The following DGKG variants were observed in gnomAD, a reference collection of about 807,000 sequenced individuals.
The protein encoded by DGKG is DAG kinase gamma.
In DGKG, 78 loss-of-function variants were observed where a neutral mutation model predicts 105.3. That is an observed-to-expected ratio of 0.74 (90% CI 0.62 to 0.89). DGKG has a LOEUF of 0.89. Among genes scored for constraint, DGKG ranks in the 40% least tolerant of loss-of-function variants. The probability of loss-of-function intolerance (pLI) is 0.00; values close to 1 mark genes in which losing one functional copy is unlikely to be tolerated. For missense variants in DGKG, 958 were observed against 1,020.1 expected (o/e 0.94, Z 0.83); for synonymous variants, 346 against 367.1 (o/e 0.94, Z 0.66).
chr3:186,185,709 C>T (rs181994693), intron 22 of DGKG, among the ~76,000 whole-genome samples: 2 of 152,284 alleles, frequency 1.3e-5, no homozygotes, highest in Non-Finnish European at 2.9e-5. Flanking sequence ...CCTCTGTTAG[C>T]ACCCACAACT....
At chr3:186,242,723 A>C in intron 19 of DGKG, 155 bp from the exon 20 acceptor site, 1 of 586,312 alleles carries the variant, frequency 1.7e-6, no homozygotes, top group South Asian at 2.4e-5. Context: ...CGGAGCCAAC[A>C]GAGGCTCAAC....
intron 5 of DGKG, among the ~76,000 whole-genome samples, chr3:186,296,138 A>G (rs564167948): frequency 1.3e-4 from 20 of 152,192 alleles, no homozygotes; most frequent in Admixed American, 1.2e-3. Context: ...AAAAGAATAA[A>G]GTATACTTCT....
Position 186,272,277 on chromosome 3 carries a change from G to T in DGKG, c.977C>A (p.Ser326Ter). The T allele has an allele frequency of 6.2e-7, 1 of 1,613,828 alleles. No individual in the cohort carries two copies. Among genetic ancestry groups the T allele is most frequent in the South Asian group, 1.1e-5 (1 of 91,050 alleles). ...AACCTCACCACTCCTTTTGGCTTTT[G>T]AGTACGTTTTGACACAACCAGGAAT... Reference protein sequence around the residue: ...RNIPGCVKTYSKAKRSGEVMQ... With the variant: ...RNIPGCVKTY The change falls in exon 11 of 25, where the codon TCA becomes TAA. Residue 326 changes from serine to a stop codon, truncating the protein, a stop_gained. Coordinates refer to ENST00000265022, the MANE Select transcript of DGKG (RefSeq NM_001346.3). LOFTEE classifies it high-confidence loss of function.
Position 186,275,646 on chromosome 3 carries a change from G to A in DGKG, c.811C>T (p.Arg271Trp), listed in dbSNP as rs368371497. ...AAGTGCTTCATGGTCCAGGCGTGCC[G>A]CCCATCCCCCTTGGAGCCCTGCAGG... ...MDDSGSKGDGRHAWTMKHFKK... is the reference protein window; with the variant it reads ...MDDSGSKGDGWHAWTMKHFKK... Residue 271 changes from arginine to tryptophan, a missense_variant, in exon 10 of 25, where the codon CGG becomes TGG. By Grantham distance (101) the Arg-to-Trp change is moderately radical. Around this residue, in one of 2 missense-constraint regions of DGKG, gnomAD observed 643 missense variants for 619.5 expected, o/e 1.04. Coordinates refer to ENST00000265022, the MANE Select transcript of DGKG (RefSeq NM_001346.3). The A allele has an allele frequency of 1.1e-5, 17 of 1,613,690 alleles. No homozygotes were observed. Among genetic ancestry groups the A allele is most frequent in the African/African-American group, 4.0e-5 (3 of 74,926 alleles).
intron 20 of DGKG, among the ~76,000 whole-genome samples, chr3:186,230,994 A>C (rs914342735): frequency 6.6e-6 from 1 of 152,168 alleles, no homozygotes; most frequent in Non-Finnish European, 1.5e-5. Context: ...TCAGTCTTTA[A>C]TATGTCTCCA....
At chr3:186,237,393 C>G (rs1720469440) in intron 20 of DGKG, among the ~76,000 whole-genome samples, 1 of 152,168 alleles carries the variant, frequency 6.6e-6, no homozygotes, top group African/African-American at 2.4e-5. Flanking sequence ...ACAGATCATA[C>G]AGCCAGTCCT....
rs1456030892 is a variant in DGKG, at chr3:186,148,349, T to C, written c.*1741A>G. 3.0e-6 allele frequency: 3 copies of C among 985,316 alleles called. No individual in the cohort carries two copies. In the East Asian group the frequency reaches 3.4e-4, roughly 112 times the overall value. 61.0% of individuals were successfully genotyped at this position (985,316 alleles called of 1,614,324 possible). A position where few individuals can be genotyped will look rare whatever the true frequency, so the allele number is the denominator to read the frequency against. ...CCAAACTAAGAGACTATGATGACCA[T>C]GATGAGGTGACATGTGGAGAGTTCA... On this transcript the variant is annotated 3_prime_UTR_variant, in exon 25 of 25. Transcript: ENST00000265022.
intron 24 of DGKG, among the ~76,000 whole-genome samples, chr3:186,155,470 G>T (rs1304570352): frequency 6.6e-6 from 1 of 152,150 alleles, no homozygotes; most frequent in African/African-American, 2.4e-5. Flanking sequence ...GGGATTACAG[G>T]CATGAGCCAC....
chr3:186,163,119 C>CTCCTTCT, intron 23 of DGKG, among the ~76,000 whole-genome samples: 1 of 152,266 alleles, frequency 6.6e-6, no homozygotes, highest in African/African-American at 2.4e-5. Flanking sequence ...GATCCTCCTA[C>CTCCTTCT]CTCAACCTCC....
intron 1 of DGKG, among the ~76,000 whole-genome samples, chr3:186,360,371 A>G (rs779481885): frequency 2.2e-4 from 33 of 152,168 alleles, no homozygotes; most frequent in Non-Finnish European, 4.3e-4. Context: ...AGTAATGCCT[A>G]TAGTGCTGGG....
At chr3:186,331,906 C>T (rs560800228) in intron 1 of DGKG, among the ~76,000 whole-genome samples, 2 of 152,314 alleles carry the variant, frequency 1.3e-5, no homozygotes, top group South Asian at 2.1e-4. Context: ...CTGTGAGGAA[C>T]GTATGTTTTA....
rs548087110 is a variant in DGKG, at chr3:186,267,084, G to T, written c.1209+601C>A. On this transcript the variant is annotated intron_variant, in intron 13 of 24. Transcript: ENST00000265022. ...GGTGGGGGTAAAGGAGCTTAATTTT[G>T]CTGCTTTCATTTCCAAATCAGGCTG... Among the ~76,000 whole-genome samples, 359 of 152,230 alleles carry T rather than the reference G, an allele frequency of 2.4e-3. 1 individual carries two copies. Among genetic ancestry groups the T allele is most frequent in the Non-Finnish European group, 3.8e-3 (258 of 68,022 alleles).
intron 1 of DGKG, among the ~76,000 whole-genome samples, chr3:186,326,144 C>A (rs890360152): frequency 6.6e-5 from 10 of 152,174 alleles, no homozygotes; most frequent in African/African-American, 1.9e-4. Flanking sequence ...GTGATCCCAG[C>A]ACTTTTGGAG....
chr3:186,163,486 C>T (rs1040969148), intron 23 of DGKG, among the ~76,000 whole-genome samples: 1 of 152,142 alleles, frequency 6.6e-6, no homozygotes, highest in Non-Finnish European at 1.5e-5. Context: ...GGCAACTGTT[C>T]TGTTCTTGAA....
At chr3:186,323,796 G>A (rs1725198802) in intron 1 of DGKG, among the ~76,000 whole-genome samples, 1 of 152,182 alleles carries the variant, frequency 6.6e-6, no homozygotes. Flanking sequence ...AATTAGCCAG[G>A]CGTGGTGGTG....
intron 1 of DGKG, among the ~76,000 whole-genome samples, chr3:186,321,998 C>T (rs538994736): frequency 6.7e-4 from 102 of 152,272 alleles, no homozygotes; most frequent in Middle Eastern, 3.4e-3. Flanking sequence ...CCAGCAGGCA[C>T]CTTTCAGTCC....
intron 2 of DGKG, chr3:186,313,574 T>G (rs1039605695): frequency 4.2e-6 from 4 of 952,454 alleles, no homozygotes; most frequent in East Asian, 1.2e-4. Flanking sequence ...GTGTGGTCCC[T>G]GGACCAGCAG....
intron 21 of DGKG, among the ~76,000 whole-genome samples, chr3:186,199,094 C>T (rs924874718): frequency 6.6e-6 from 1 of 152,018 alleles, no homozygotes; most frequent in African/African-American, 2.4e-5. Flanking sequence ...ACTACAGGCG[C>T]ATGCCACCAA....
intron 9 of DGKG, 162 bp downstream of exon 9, chr3:186,279,689 C>T (rs1722742126): frequency 1.5e-6 from 1 of 650,182 alleles, no homozygotes; most frequent in African/African-American, 1.8e-5. Flanking sequence ...ACTTCAGGCA[C>T]TAATGGATAC....
Sources: allele counts gnomAD v4.1 joint callset (sites outside exome capture counted in the v4.1 genomes callset), GRCh38; gene constraint gnomAD v4.1.1; regional missense constraint gnomAD v4.1.1; transcripts MANE v1.5; gene names NCBI Gene and HGNC (gene_info 2026-07-23, HGNC 2026-07-21).